The following PSMA1 variants were observed in gnomAD, a reference collection of about 807,000 sequenced individuals.
The protein encoded by PSMA1 is proteasome 20S subunit alpha 1, also known as proteasome subunit alpha type-1.
PSMA1 carries 3 observed loss-of-function variants against 38.4 expected under a neutral mutation model. The observed-to-expected ratio is 0.08, with a 90% confidence interval of 0.04 to 0.20. PSMA1 has a LOEUF of 0.20. Among genes scored for constraint, PSMA1 ranks in the 10% least tolerant of loss-of-function variants. The pLI, the probability that PSMA1 is intolerant of heterozygous loss-of-function variation, is 1.00. For synonymous variants in PSMA1, 101 were observed against 107.1 expected, an observed-to-expected ratio of 0.94 and a Z score of 0.35; for missense variants, 227 against 325.3, an observed-to-expected ratio of 0.70 and a Z score of 2.32.
intron 1 of PSMA1, among the ~76,000 whole-genome samples, chr11:14,635,462 G>A (rs551022876): frequency 1.9e-4 from 29 of 152,168 alleles, no homozygotes; most frequent in Non-Finnish European, 3.8e-4. Flanking sequence ...GAACTGGAGC[G>A]CTGCAGTTAA....
At chr11:14,611,023 T>A in exon 2 of PSMA1, 1 of 1,603,590 alleles carries the variant, frequency 6.2e-7, no homozygotes, top group Non-Finnish European at 8.5e-7. Flanking sequence ...TAGACCAACA[T>A]ACAACATAGG....
chr11:14,523,832 C>A (rs1851557272), upstream of PSMA1, among the ~76,000 whole-genome samples: 1 of 152,012 alleles, frequency 6.6e-6, no homozygotes, highest in African/African-American at 2.4e-5. Context: ...ATCCTCCTGC[C>A]TGGGCCTCCC....
chr11:14,582,569 G>A (rs942321128), intron 2 of PSMA1, among the ~76,000 whole-genome samples: 3 of 152,132 alleles, frequency 2.0e-5, no homozygotes, highest in African/African-American at 7.2e-5. Flanking sequence ...CCACGCTGGA[G>A]TATAGTGGCG....
chr11:14,616,753 T>C (rs1852778644), intron 1 of PSMA1, among the ~76,000 whole-genome samples: 1 of 152,178 alleles, frequency 6.6e-6, no homozygotes, highest in African/African-American at 2.4e-5. Flanking sequence ...CCCTATTTTG[T>C]AGGTGGAGAA....
chr11:14,509,047 T>C (rs889379226), intron 8 of PSMA1, among the ~76,000 whole-genome samples: 2 of 152,202 alleles, frequency 1.3e-5, no homozygotes, highest in Admixed American at 1.3e-4. Context: ...CATTTCTATA[T>C]AAAGACTTCA....
chr11:14,576,155 A>G (rs10832282), intron 2 of PSMA1, among the ~76,000 whole-genome samples: 22,978 of 151,954 alleles, frequency 0.15, 2,554 homozygotes, highest in African/African-American at 0.31. Flanking sequence ...ATTTGTTTAA[A>G]TTCTTTGTAG....
At chr11:14,612,465 G>C (rs1016757820) in intron 1 of PSMA1, among the ~76,000 whole-genome samples, 1 of 151,946 alleles carries the variant, frequency 6.6e-6, no homozygotes, top group African/African-American at 2.4e-5. Context: ...TTTAAAACAG[G>C]AAAGAGACAT....
upstream of PSMA1, among the ~76,000 whole-genome samples, chr11:14,522,624 T>TA (rs1210121953): frequency 3.9e-5 from 6 of 152,290 alleles, no homozygotes; most frequent in Non-Finnish European, 7.4e-5. Context: ...TTATTACTAG[T>TA]AAAAAAATCT....
intron 1 of PSMA1, among the ~76,000 whole-genome samples, chr11:14,639,917 CTG>C (rs1853176390): frequency 6.6e-6 from 1 of 152,212 alleles, no homozygotes; most frequent in Admixed American, 6.5e-5. Context: ...CCAGAGTACA[CTG>C]AGGATTATTA....
At chr11:14,516,055 C>A (rs1453008411) in intron 4 of PSMA1, among the ~76,000 whole-genome samples, 1 of 151,602 alleles carries the variant, frequency 6.6e-6, no homozygotes, top group East Asian at 2.0e-4. Context: ...ACTAAAAATG[C>A]AAAAATTAGC....
At chr11:14,642,913 C>T (rs1024955698) in intron 1 of PSMA1, among the ~76,000 whole-genome samples, 1 of 152,036 alleles carries the variant, frequency 6.6e-6, no homozygotes, top group African/African-American at 2.4e-5. Flanking sequence ...TCTCTCCGCT[C>T]CCCCATCTAG....
intron 2 of PSMA1, among the ~76,000 whole-genome samples, chr11:14,530,449 C>A (rs909969978): frequency 1.3e-5 from 2 of 152,148 alleles, no homozygotes; most frequent in African/African-American, 4.8e-5. Context: ...CAGAAAGAGT[C>A]CCTTTTAAAA....
At position 14,638,506 on chromosome 11, in the gene PSMA1, C is replaced by CCTCTCT. The variant is rs374243163; in HGVS notation, c.-166+4943_-166+4948dup. On this transcript the variant is annotated intron_variant, in intron 1 of 10. Coordinates refer to the PSMA1 transcript ENST00000418988. ...TAAGTTGGCTTAGTGGAGAAACACA[C>CCTCTCT]CTCTCTCTCTCTCTCTCTCTCTCTC... 3.4e-3 allele frequency among the ~76,000 whole-genome samples: 109 copies of CCTCTCT among 31,878 alleles called. 6 individuals carry two copies. The highest frequency in any genetic ancestry group is 6.0e-3 in the South Asian group (3 of 502). 20.9% of individuals were successfully genotyped at this position (31,878 alleles called of 152,430 possible).
At chr11:14,540,738 G>A (rs1851764581) in intron 2 of PSMA1, among the ~76,000 whole-genome samples, 1 of 152,156 alleles carries the variant, frequency 6.6e-6, no homozygotes, top group Non-Finnish European at 1.5e-5. Context: ...ATCTAATGCT[G>A]GCTTACTGTT....
chr11:14,575,270 A>T (rs2134180370), intron 2 of PSMA1, among the ~76,000 whole-genome samples: 1 of 152,234 alleles, frequency 6.6e-6, no homozygotes, highest in African/African-American at 2.4e-5. Flanking sequence ...TTATAGTTTA[A>T]TTATAATACT....
rs186337147 is a variant in PSMA1, at chr11:14,567,766, C to T, written c.21+43200G>A. On this transcript the variant is annotated intron_variant, in intron 2 of 10. Coordinates refer to the PSMA1 transcript ENST00000418988. ...TCTTTTTGCAGTCTATTTAGTGCCA[C>T]GTTTTTCTCATTTTTGTGTTTTTTG... is the stretch of plus-strand genomic sequence containing the variant. Among the ~76,000 whole-genome samples the T allele has an allele frequency of 4.7e-4, 72 of 152,240 alleles. No homozygotes were observed. The East Asian group carries it at 8.3e-3, about 18-fold the overall frequency.
At chr11:14,640,572 GA>G (rs1853186771) in intron 1 of PSMA1, among the ~76,000 whole-genome samples, 1 of 152,090 alleles carries the variant, frequency 6.6e-6, no homozygotes, top group African/African-American at 2.4e-5. Context: ...TTGTTGAAAA[GA>G]ACTAAAAGAA....
chr11:14,517,551 C>T lies in PSMA1; in HGVS notation c.254+91G>A. The T allele has an allele frequency of 3.8e-6, 4 of 1,063,916 alleles. No individual in the cohort carries two copies. The East Asian group carries it at 7.9e-5, about 21-fold the overall frequency. 65.9% of individuals were successfully genotyped at this position (1,063,916 alleles called of 1,614,324 possible). A position where few individuals can be genotyped will look rare whatever the true frequency, so the allele number is the denominator to read the frequency against. Reference sequence around the variant, plus strand: ...CTTAATTTACAAGAACTTTGGCAGACAACTTCCTAAAATACCTTATCTGGA... The same window carrying T: ...CTTAATTTACAAGAACTTTGGCAGATAACTTCCTAAAATACCTTATCTGGA... On this transcript the variant is annotated intron_variant, in intron 4 of 9. Coordinates refer to ENST00000396394, the MANE Select transcript of PSMA1 (RefSeq NM_002786.4).
intron 2 of PSMA1, among the ~76,000 whole-genome samples, chr11:14,569,091 C>T (rs1852106842): frequency 6.6e-6 from 1 of 152,198 alleles, no homozygotes; most frequent in African/African-American, 2.4e-5. Context: ...CTTCTTGTTA[C>T]TTGTGCAAAT....
Sources: gnomAD v4.1 joint callset for allele counts (sites outside exome capture counted in the v4.1 genomes callset) on GRCh38, gnomAD v4.1.1 for gene constraint, MANE v1.5 for transcripts, NCBI Gene and HGNC (gene_info 2026-07-23, HGNC 2026-07-21) for gene names.